Variants in AK1 observed in about 807,000 individuals in gnomAD.
AK1 encodes the protein adenylate kinase 1, also known as adenylate kinase isoenzyme 1.
In AK1, 13 loss-of-function variants were observed where a neutral mutation model predicts 23.9. The observed-to-expected ratio is 0.54, with a 90% CI of 0.35 to 0.86. The LOEUF is 0.86. AK1 is among the 40% of genes least tolerant of loss of function. The probability of loss-of-function intolerance (pLI) is 0.01; values close to 1 mark genes in which losing one functional copy is unlikely to be tolerated. For missense variants in AK1, 214 were observed against 255.1 expected, an observed-to-expected ratio of 0.84 and a Z score of 1.10; for synonymous variants, 97 against 102.8, an observed-to-expected ratio of 0.94 and a Z score of 0.34.
At position 127,872,040 on chromosome 9, in the gene AK1, CCAACACAAATGT is replaced by C; in HGVS notation, c.208-113_208-102del. The C allele has an allele frequency of 3.9e-6, 4 of 1,026,808 alleles. No homozygotes were observed. In the South Asian group the frequency reaches 5.1e-5, roughly 13 times the overall value. The allele number at this position is 1,026,808 out of a possible 1,614,324, so 63.6% of individuals were successfully genotyped here. A position where few individuals can be genotyped will look rare whatever the true frequency, so the allele number is the denominator to read the frequency against. On this transcript the variant is annotated intron_variant, in intron 4 of 6. Transcript: ENST00000644144. ...TCCTGCCACCTGAAATGCCCTCTCC[CCAACACAAATGT>C]CCCAAACAAGCCTCCCCCTCCAGGA...
rs140001307 is a variant in AK1, at chr9:127,872,819, C to G, written c.78G>C (p.Glu26Asp). The G allele has an allele frequency of 1.4e-4, 228 of 1,614,010 alleles. No individual in the cohort carries two copies. Among genetic ancestry groups the G allele is most frequent in the Non-Finnish European group, 1.7e-4 (203 of 1,180,030 alleles). ...TGTAGCCATACTTCTGCACGATCTTCTCACACTGGGTGCCCTTCCCTGAGC... is the reference window on the plus strand; with the variant it reads ...TGTAGCCATACTTCTGCACGATCTTGTCACACTGGGTGCCCTTCCCTGAGC... ...GPGSGKGTQC[E>D]KIVQKYGYTH... is the part of the protein sequence containing the mutation. The change falls in exon 4 of 7, where the codon GAG (glutamate) becomes GAC (aspartate). Residue 26 changes from glutamate to aspartate, a missense_variant. Coordinates refer to ENST00000644144, the MANE Select transcript of AK1 (RefSeq NM_000476.3).
In AK1 at chr9:127,868,870, A is replaced by T. The variant is rs1350145632; in HGVS notation, c.325-358T>A. 1.3e-5 allele frequency among the ~76,000 whole-genome samples: 2 copies of T among 152,094 alleles called. No homozygotes were observed. Among genetic ancestry groups the T allele is most frequent in the African/African-American group, 4.8e-5 (2 of 41,412 alleles). On this transcript the variant is annotated intron_variant, in intron 5 of 6. Transcript: ENST00000644144. This position sits in a 1 kb window ranked among gnomAD's most constrained non-coding sequence, Gnocchi z 4.1. Reference sequence around the variant, plus strand: ...CTGATCCTAACTCGCCTTCACCTCAATACCAAGCATCAGGTTTCAGTGCGA... The same window carrying T: ...CTGATCCTAACTCGCCTTCACCTCATTACCAAGCATCAGGTTTCAGTGCGA...
In AK1 at chr9:127,876,293, C is replaced by T. The variant is rs371157693; in HGVS notation, c.-33+1330G>A. Reference sequence around the variant, plus strand: ...CTGGGCCCCTCTTCTGTGCTGCGGGCCTGGGATCCCATTGACTGGGCCTGG... The same window carrying T: ...CTGGGCCCCTCTTCTGTGCTGCGGGTCTGGGATCCCATTGACTGGGCCTGG... On this transcript the variant is annotated intron_variant, in intron 1 of 6. Coordinates refer to ENST00000644144, the MANE Select transcript of AK1 (RefSeq NM_000476.3). Among the ~76,000 whole-genome samples, 43 of 152,352 alleles carry T rather than the reference C, an allele frequency of 2.8e-4. 1 individual carries two copies. The East Asian group carries it at 7.3e-3, about 26-fold the overall frequency.
At chr9:127,876,553 G>T (rs995190651) in intron 1 of AK1, among the ~76,000 whole-genome samples, 2 of 152,190 alleles carry the variant, frequency 1.3e-5, no homozygotes, top group African/African-American at 4.8e-5. Context: ...GTGCTTCAGC[G>T]GGGGTAGGAG....
Position 127,866,973 on chromosome 9 carries a change from C to T in AK1, c.*1035G>A, listed in dbSNP as rs1487864527. 2.0e-5 allele frequency: 3 copies of T among 149,350 alleles called. No individual in the cohort carries two copies. The highest frequency in any genetic ancestry group is 7.4e-5 in the African/African-American group (3 of 40,334). The allele number at this position is 149,350 out of a possible 1,614,324, so 9.3% of individuals were successfully genotyped here. On this transcript the variant is annotated 3_prime_UTR_variant, in exon 7 of 7. Coordinates refer to ENST00000644144, the MANE Select transcript of AK1 (RefSeq NM_000476.3). ...CCACACAGGGGGAGGTCCTTCAGGT[C>T]TCACCCCTGACCATGACTCCCCCAA...
Position 127,867,974 on chromosome 9 carries a change from G to C in AK1, c.*34C>G. 1.2e-6 allele frequency: 2 copies of C among 1,609,336 alleles called. No homozygotes were observed. The highest frequency in any genetic ancestry group is 1.7e-6 in the Non-Finnish European group (2 of 1,175,706). Reference sequence around the variant, plus strand: ...ACCTCGAATCAGGACGGGGTGGGGCGGGGCTCTGAGCTGGGGAAGCGGCTC... The same window carrying C: ...ACCTCGAATCAGGACGGGGTGGGGCCGGGCTCTGAGCTGGGGAAGCGGCTC... On this transcript the variant is annotated 3_prime_UTR_variant, in exon 7 of 7. Transcript: ENST00000644144.
intron 4 of AK1, among the ~76,000 whole-genome samples, chr9:127,872,178 T>G (rs954880667): frequency 8.5e-5 from 13 of 152,238 alleles, no homozygotes; most frequent in Non-Finnish European, 1.8e-4. Context: ...AGCCAGGTGC[T>G]GTCCTGGGTC....
In AK1 at chr9:127,871,515, C is replaced by T. The variant is rs760943763; in HGVS notation, c.324+308G>A. ...TAAGGCAGCTGTGACCTGGTCCTCC[C>T]ACTCCCTGCATTTTGCAGATGGGAA... On this transcript the variant is annotated intron_variant, in intron 5 of 6. Transcript: ENST00000644144. The surrounding 1 kb of genome is among the most constrained non-coding windows in gnomAD (Gnocchi z 4.4). Among the ~76,000 whole-genome samples the T allele has an allele frequency of 4.0e-5, 6 of 151,594 alleles. No individual in the cohort carries two copies. Among genetic ancestry groups the T allele is most frequent in the Non-Finnish European group, 8.8e-5 (6 of 68,034 alleles).
In AK1 at chr9:127,871,495, C is replaced by G. The variant is rs1025344851; in HGVS notation, c.324+328G>C. On this transcript the variant is annotated intron_variant, in intron 5 of 6. Coordinates refer to ENST00000644144, the MANE Select transcript of AK1 (RefSeq NM_000476.3). This position sits in a 1 kb window ranked among gnomAD's most constrained non-coding sequence, Gnocchi z 4.4. Reference sequence around the variant, plus strand: ...CCAGTCCCCACACTGTCCCTTAAGGCAGCTGTGACCTGGTCCTCCCACTCC... The same window carrying G: ...CCAGTCCCCACACTGTCCCTTAAGGGAGCTGTGACCTGGTCCTCCCACTCC... 6.6e-6 allele frequency among the ~76,000 whole-genome samples: 1 copy of G among 151,536 alleles called. No homozygotes were observed. The highest frequency in any genetic ancestry group is 1.5e-5 in the Non-Finnish European group (1 of 68,024).
chr9:127,874,041 G>GAGC (rs759188373), intron 2 of AK1: 58 of 984,990 alleles, frequency 5.9e-5, no homozygotes, highest in African/African-American at 2.8e-4. Context: ...AGCTCAGGCA[G>GAGC]AGCAGCAGCA....
chr9:127,873,240 G>C (rs953888988), intron 2 of AK1, 179 bp from the exon 3 acceptor site: 6 of 1,536,390 alleles, frequency 3.9e-6, no homozygotes, highest in Admixed American at 2.0e-5. Context: ...TGAGCTCGGA[G>C]CCTGGGAGAG....
intron 1 of AK1, 133 bp from the exon 2 acceptor site, chr9:127,874,782 G>C: frequency 1.1e-6 from 1 of 889,316 alleles, no homozygotes; most frequent in Non-Finnish European, 1.8e-6. Flanking sequence ...GGCTGCTGGG[G>C]GCAGGGAAGG....
chr9:127,873,460 G>T (rs1169613033), intron 2 of AK1: 1 of 1,513,532 alleles, frequency 6.6e-7, no homozygotes, highest in South Asian at 1.3e-5. Context: ...GTCCCGTCCT[G>T]CCGTGTCTCC....
chr9:127,879,494 G>A (rs1167285779), upstream of AK1: 1 of 151,756 alleles, frequency 6.6e-6, no homozygotes, highest in African/African-American at 2.4e-5. Flanking sequence ...ATGGTGGTGC[G>A]CCCCTGTAAT....
chr9:127,873,854 G>T, intron 2 of AK1: 2 of 985,452 alleles, frequency 2.0e-6, no homozygotes, highest in Non-Finnish European at 2.4e-6. Flanking sequence ...ACTTAGGAAA[G>T]GCCTGCCCCT....
rs1829481720 is a variant in AK1, at chr9:127,874,044, CAGCA to C, written c.7+563_7+566del. 3.1e-6 allele frequency: 3 copies of C among 966,174 alleles called. No individual in the cohort carries two copies. In the South Asian group the frequency reaches 1.4e-4, roughly 46 times the overall value. The allele number at this position is 966,174 out of a possible 1,614,324, so 59.9% of individuals were successfully genotyped here. A position where few individuals can be genotyped will look rare whatever the true frequency, so the allele number is the denominator to read the frequency against. On this transcript the variant is annotated intron_variant, in intron 2 of 6. Transcript: ENST00000644144. ...GTTGATATTTGGAGCTCAGGCAGAGCAGCAGCAGCAGCAGCAGCAGGCCCGCTGG... is the reference window on the plus strand; with the variant it reads ...GTTGATATTTGGAGCTCAGGCAGAGCGCAGCAGCAGCAGCAGGCCCGCTGG...
At chr9:127,870,412 G>A (rs993731788) in intron 5 of AK1, among the ~76,000 whole-genome samples, 25 of 152,102 alleles carry the variant, frequency 1.6e-4, no homozygotes, top group African/African-American at 5.8e-4. Context: ...TGTTGGCCAG[G>A]CTGGTTTTGA....
rs956933730 is a variant in AK1, at chr9:127,874,427, A to G, written c.7+184T>C. On this transcript the variant is annotated intron_variant, in intron 2 of 6. Coordinates refer to ENST00000644144, the MANE Select transcript of AK1 (RefSeq NM_000476.3). ...GGAGGCCTCGTCACGTCTAAAATTA[A>G]TCTTGGAGCTGGCACATCCCGTGAG... 3.0e-6 allele frequency: 3 copies of G among 985,192 alleles called. No individual in the cohort carries two copies. In the African/African-American group the frequency reaches 5.2e-5, roughly 17 times the overall value. 61.0% of individuals were successfully genotyped at this position (985,192 alleles called of 1,614,324 possible).
intron 1 of AK1, 105 bp from the exon 2 acceptor site, chr9:127,874,754 C>A: frequency 8.7e-7 from 1 of 1,146,766 alleles, no homozygotes; most frequent in Non-Finnish European, 1.3e-6. Flanking sequence ...GCCCGACATG[C>A]AGTCTGAGGG....
Sources: allele counts gnomAD v4.1 joint callset (sites outside exome capture counted in the v4.1 genomes callset), GRCh38; gene constraint gnomAD v4.1.1; non-coding constraint Gnocchi (gnomAD v3.1); transcripts MANE v1.5; gene names NCBI Gene and HGNC (gene_info 2026-07-23, HGNC 2026-07-21).